PCDHA1: variants seen among roughly 807,000 people sequenced by gnomAD.
PCDHA1 encodes the protein protocadherin alpha-1.
A neutral mutation model predicts 61.3 loss-of-function variants in PCDHA1; 42 were observed. The observed-to-expected ratio is 0.69, with a 90% CI of 0.54 to 0.89. The LOEUF (loss-of-function observed/expected upper bound fraction) is 0.89. PCDHA1 is among the 40% of genes least tolerant of loss of function. The pLI is 0.00. For synonymous variants in PCDHA1, 610 were observed against 553.8 expected (o/e 1.10, Z -1.43); for missense variants, 1,256 against 1,235.3 (o/e 1.02, Z -0.25).
intron 1 of PCDHA1, among the ~76,000 whole-genome samples, chr5:140,789,747 C>A (rs1379227883): frequency 2.6e-5 from 4 of 152,278 alleles, no homozygotes; most frequent in Middle Eastern, 3.4e-3. Context: ...ATCCTTCCAA[C>A]GATTTTATGA....
rs2150127523 is a variant in PCDHA1, at chr5:140,823,625, C to A, written c.2394+34941C>A. ...GAGCTGCAGCCAGCGCCTGGCAGTG[C>A]GCGCATCCCGTTCCGCGTGGGGCTG... On this transcript the variant is annotated intron_variant, in intron 1 of 3. Transcript: ENST00000504120. 4.3e-6 allele frequency: 7 copies of A among 1,614,038 alleles called. No individual in the cohort carries two copies. The East Asian group carries it at 8.9e-5, about 21-fold the overall frequency.
At chr5:140,796,704 G>C (rs781967700) in intron 1 of PCDHA1, 1 of 1,613,992 alleles carries the variant, frequency 6.2e-7, no homozygotes, top group Non-Finnish European at 8.5e-7. Flanking sequence ...TGAGTGAGCT[G>C]GTGCCGTGGT....
intron 3 of PCDHA1, among the ~76,000 whole-genome samples, chr5:141,003,398 G>A (rs1282074480): frequency 1.3e-5 from 2 of 152,114 alleles, no homozygotes; most frequent in African/African-American, 4.8e-5. Flanking sequence ...TGAAACCTCC[G>A]CCTCCCGGGT....
intron 1 of PCDHA1, chr5:140,968,662 C>CT (rs781816838): frequency 1.2e-6 from 2 of 1,614,158 alleles, no homozygotes; most frequent in South Asian, 2.2e-5. Context: ...ACCTGGACCT[C>CT]TTTAAGGTAG....
intron 1 of PCDHA1, among the ~76,000 whole-genome samples, chr5:140,794,027 A>C (rs373839809): frequency 9.8e-5 from 15 of 152,372 alleles, no homozygotes; most frequent in African/African-American, 3.4e-4. Context: ...TATATCCAAA[A>C]GAATTGAAAG....
intron 1 of PCDHA1, chr5:140,862,883 G>T: frequency 1.8e-6 from 1 of 566,460 alleles, no homozygotes. Flanking sequence ...ATTAGTGCTG[G>T]AACGACAACT....
intron 1 of PCDHA1, among the ~76,000 whole-genome samples, chr5:140,947,307 T>C (rs1329729103): frequency 6.6e-6 from 1 of 151,660 alleles, no homozygotes; most frequent in African/African-American, 2.4e-5. Context: ...GACATCTTTG[T>C]AAAAAGTCGG....
intron 1 of PCDHA1, among the ~76,000 whole-genome samples, chr5:140,970,178 A>T (rs1190328996): frequency 6.6e-6 from 1 of 152,214 alleles, no homozygotes; most frequent in East Asian, 1.9e-4. Context: ...GCATACTCTG[A>T]ATTCATTGTA....
At chr5:140,870,893 A>G in intron 1 of PCDHA1, 1 of 1,613,930 alleles carries the variant, frequency 6.2e-7, no homozygotes, top group Non-Finnish European at 8.5e-7. Flanking sequence ...CGCGCAGTGG[A>G]TGCGGACTCA....
intron 3 of PCDHA1, among the ~76,000 whole-genome samples, chr5:140,996,297 T>TGTAACAAAGTAAGGGG (rs2097720569): frequency 6.6e-6 from 1 of 152,196 alleles, no homozygotes; most frequent in Non-Finnish European, 1.5e-5. Context: ...AAGCACAGAT[T>TGTAACAAAGTAAGGGG]GTAACAAAGT....
At chr5:140,824,152 A>T (rs184380215) in intron 1 of PCDHA1, 13 of 1,611,614 alleles carry the variant, frequency 8.1e-6, no homozygotes, top group Middle Eastern at 1.7e-4. Context: ...ATTAACATCC[A>T]TCTTTCCCTC....
chr5:140,828,073 A>G, intron 1 of PCDHA1: 1 of 1,567,184 alleles, frequency 6.4e-7, no homozygotes, highest in East Asian at 2.2e-5. Context: ...TAATGGAAAT[A>G]AAACCAGAGG....
At chr5:140,821,773 G>A in intron 1 of PCDHA1, 1 of 1,604,534 alleles carries the variant, frequency 6.2e-7, no homozygotes, top group East Asian at 2.2e-5. Context: ...GAACGAGATT[G>A]AGATGGTATA....
intron 1 of PCDHA1, among the ~76,000 whole-genome samples, chr5:140,978,464 C>T (rs1281042342): frequency 5.3e-5 from 8 of 152,226 alleles, no homozygotes; most frequent in Non-Finnish European, 2.9e-5. Flanking sequence ...CGCCCTGGGT[C>T]AAATATGCTG....
At chr5:140,823,267 G>T (rs1554129226) in intron 1 of PCDHA1, 8 of 1,612,742 alleles carry the variant, frequency 5.0e-6, no homozygotes, top group South Asian at 1.1e-5. Flanking sequence ...GGAGCGGCGG[G>T]TGGGCGAGCG....
chr5:140,984,971 T>A (rs1437915679), intron 3 of PCDHA1, among the ~76,000 whole-genome samples: 1 of 152,080 alleles, frequency 6.6e-6, no homozygotes, highest in East Asian at 1.9e-4. Flanking sequence ...AGAGTCTCGC[T>A]CTGTCCCCCA....
At chr5:141,004,705 C>T (rs535016776) in intron 3 of PCDHA1, among the ~76,000 whole-genome samples, 5 of 152,154 alleles carry the variant, frequency 3.3e-5, no homozygotes, top group Admixed American at 6.5e-5. Context: ...TTTTAGGTGC[C>T]GAATCAGAGG....
At chr5:140,990,288 C>T (rs537252814) in intron 3 of PCDHA1, among the ~76,000 whole-genome samples, 1 of 152,226 alleles carries the variant, frequency 6.6e-6, no homozygotes, top group South Asian at 2.1e-4. Context: ...TTGAGATTAT[C>T]GATGCCATTG....
At chr5:140,938,469 T>C (rs1172900934) in intron 1 of PCDHA1, among the ~76,000 whole-genome samples, 1 of 152,218 alleles carries the variant, frequency 6.6e-6, no homozygotes, top group South Asian at 2.1e-4. Flanking sequence ...TAATTTATTA[T>C]GTTTTTTAAA....
Sources: allele counts gnomAD v4.1 joint callset (sites outside exome capture counted in the v4.1 genomes callset), GRCh38; gene constraint gnomAD v4.1.1; transcripts MANE v1.5; gene names NCBI Gene and HGNC (gene_info 2026-07-23, HGNC 2026-07-21).